Variants in NRG1 observed in about 807,000 individuals in gnomAD.
NRG1 encodes the protein neuregulin 1.
Under a neutral mutation model 63.8 loss-of-function variants are expected in NRG1, and 18 were observed. The ratio of observed to expected loss-of-function variants is 0.28; its 90% CI spans 0.19 to 0.42. NRG1 has a LOEUF of 0.42. Ranked by LOEUF, NRG1 falls within the 10% of genes least tolerant of loss-of-function variation. NRG1 has a pLI of 1.00. For missense variants in NRG1, 762 were observed against 814.7 expected, an observed-to-expected ratio of 0.94 and a Z score of 0.79; for synonymous variants, 302 against 301.3, an observed-to-expected ratio of 1.00 and a Z score of -0.02.
chr8:32,104,036 A>T (rs1389983063), intron 1 of NRG1, among the ~76,000 whole-genome samples: 1 of 152,234 alleles, frequency 6.6e-6, no homozygotes, highest in African/African-American at 2.4e-5. Context: ...AAATATAGAC[A>T]TGTGGTGCTT....
At chr8:32,466,966 A>G in intron 1 of NRG1, among the ~76,000 whole-genome samples, 1 of 152,192 alleles carries the variant, frequency 6.6e-6, no homozygotes, top group African/African-American at 2.4e-5. Context: ...GTAAAAGCAC[A>G]CACAGCAACC....
At chr8:31,810,733 C>A (rs909251228) in intron 1 of NRG1, among the ~76,000 whole-genome samples, 1 of 152,152 alleles carries the variant, frequency 6.6e-6, no homozygotes, top group Non-Finnish European at 1.5e-5. Context: ...CCTGGTGTGA[C>A]CAAGATAGGT....
intron 1 of NRG1, among the ~76,000 whole-genome samples, chr8:31,826,765 TC>T (rs1380875642): frequency 1.3e-5 from 2 of 152,182 alleles, no homozygotes; most frequent in Non-Finnish European, 2.9e-5. Context: ...GACCTGAAGG[TC>T]CCATTTCAGC....
chr8:32,620,772 T>C (rs1848208534), intron 5 of NRG1, among the ~76,000 whole-genome samples: 1 of 151,910 alleles, frequency 6.6e-6, no homozygotes, highest in African/African-American at 2.4e-5. Flanking sequence ...TCCTAAGTTA[T>C]GGTTGAACCA....
At chr8:31,927,805 T>G (rs751474176) in intron 1 of NRG1, among the ~76,000 whole-genome samples, 5 of 151,356 alleles carry the variant, frequency 3.3e-5, no homozygotes, top group Non-Finnish European at 7.4e-5. Context: ...TCAACCAAAG[T>G]TGAGGAATTT....
intron 1 of NRG1, among the ~76,000 whole-genome samples, chr8:31,720,140 T>A (rs1054221173): frequency 1.3e-5 from 2 of 152,210 alleles, no homozygotes; most frequent in African/African-American, 4.8e-5. Context: ...TATGATAGCA[T>A]GTATGAAAAT....
intron 1 of NRG1, among the ~76,000 whole-genome samples, chr8:31,883,825 A>G (rs1054441455): frequency 6.6e-6 from 1 of 152,076 alleles, no homozygotes; most frequent in African/African-American, 2.4e-5. Context: ...GTTTTTCCTT[A>G]TTTAAATGCT....
chr8:32,052,636 G>A (rs558605128), intron 1 of NRG1, among the ~76,000 whole-genome samples: 1 of 152,010 alleles, frequency 6.6e-6, no homozygotes, highest in South Asian at 2.1e-4. Context: ...AATTGTGAGT[G>A]GGCAAACAAA....
In NRG1 at chr8:32,447,549, A is replaced by G. The variant is rs1032002795; in HGVS notation, c.38-148279A>G. On this transcript the variant is annotated intron_variant, in intron 1 of 10. Coordinates refer to the NRG1 transcript ENST00000519301. ...TTTATTCTATTATATTCTCTTAGTCAGCAATGTTTAATTGTTGCTTAAAGG... is the reference window on the plus strand; with the variant it reads ...TTTATTCTATTATATTCTCTTAGTCGGCAATGTTTAATTGTTGCTTAAAGG... Among the ~76,000 whole-genome samples, 7 of 152,136 alleles carry G rather than the reference A, an allele frequency of 4.6e-5. No homozygotes were observed. In the East Asian group the frequency reaches 1.4e-3, roughly 29 times the overall value.
At chr8:32,731,726 A>G (rs1823720844) in intron 6 of NRG1, among the ~76,000 whole-genome samples, 1 of 152,208 alleles carries the variant, frequency 6.6e-6, no homozygotes, top group Non-Finnish European at 1.5e-5. Flanking sequence ...AGGTCTTATG[A>G]TAATACATTG....
intron 1 of NRG1, among the ~76,000 whole-genome samples, chr8:32,439,545 G>A (rs1313065661): frequency 6.6e-6 from 1 of 151,938 alleles, no homozygotes; most frequent in African/African-American, 2.4e-5. Context: ...TCACAATCTC[G>A]ACCTTTGCTC....
chr8:32,754,879 CTA>C (rs988434921), intron 8 of NRG1, among the ~76,000 whole-genome samples: 28 of 152,100 alleles, frequency 1.8e-4, no homozygotes, highest in African/African-American at 6.8e-4. Flanking sequence ...AGAAAAACTT[CTA>C]TGAGTTAGAG....
At chr8:32,409,552 G>A (rs1040378584) in intron 1 of NRG1, among the ~76,000 whole-genome samples, 1 of 152,172 alleles carries the variant, frequency 6.6e-6, no homozygotes, top group Non-Finnish European at 1.5e-5. Flanking sequence ...CTATGAAGCT[G>A]TTTTTAAGAA....
intron 1 of NRG1, among the ~76,000 whole-genome samples, chr8:31,800,524 A>C (rs997389874): frequency 2.0e-5 from 3 of 152,204 alleles, no homozygotes; most frequent in African/African-American, 7.2e-5. Flanking sequence ...TCTTCACCTA[A>C]TGAGATAAAT....
chr8:32,369,081 G>A (rs1174449100), intron 1 of NRG1, among the ~76,000 whole-genome samples: 2 of 152,192 alleles, frequency 1.3e-5, no homozygotes, highest in Middle Eastern at 3.2e-3. Context: ...AAACCGTCAG[G>A]GTTGACAGAG....
chr8:32,280,612 T>C (rs1255703910), intron 1 of NRG1, among the ~76,000 whole-genome samples: 2 of 151,120 alleles, frequency 1.3e-5, no homozygotes, highest in Non-Finnish European at 2.9e-5. Flanking sequence ...GGTTTCAGTA[T>C]GTGGTGAAAA....
chr8:32,095,201 C>T (rs1325776912), intron 1 of NRG1, among the ~76,000 whole-genome samples: 3 of 152,268 alleles, frequency 2.0e-5, no homozygotes, highest in Admixed American at 1.3e-4. Context: ...TGAGCCTCTG[C>T]GCCGTGCCAT....
At chr8:32,655,877 G>A (rs1801375742) in intron 5 of NRG1, among the ~76,000 whole-genome samples, 1 of 152,058 alleles carries the variant, frequency 6.6e-6, no homozygotes, top group Non-Finnish European at 1.5e-5. Context: ...TTGGGACAAC[G>A]GAAAACAATC....
intron 1 of NRG1, among the ~76,000 whole-genome samples, chr8:31,832,982 T>C (rs1178211699): frequency 6.6e-6 from 1 of 152,004 alleles, no homozygotes; most frequent in Non-Finnish European, 1.5e-5. Flanking sequence ...GATGCAAAAT[T>C]TGCAAAGATA....
Sources: allele counts gnomAD v4.1 joint callset (sites outside exome capture counted in the v4.1 genomes callset), GRCh38; gene constraint gnomAD v4.1.1; transcripts MANE v1.5; gene names NCBI Gene and HGNC (gene_info 2026-07-23, HGNC 2026-07-21).